VRK2: variants seen among roughly 807,000 people sequenced by gnomAD.
VRK2 encodes VRK serine/threonine kinase 2.
VRK2 carries 60 observed loss-of-function variants against 57.6 expected under a neutral mutation model. That is an observed-to-expected ratio of 1.04 (90% CI 0.85 to 1.29). The LOEUF (loss-of-function observed/expected upper bound fraction) is 1.29. Ranked by LOEUF, VRK2 falls within the 50% of genes most tolerant of loss-of-function variation. VRK2 has a pLI of 0.00. For missense variants in VRK2, 705 were observed against 588.1 expected, an observed-to-expected ratio of 1.20 and a Z score of -2.06; for synonymous variants, 231 against 199.2, an observed-to-expected ratio of 1.16 and a Z score of -1.35.
chr2:58,139,730 A>C lies in VRK2; in HGVS notation c.921A>C (p.Gln307His), dbSNP rs147504112. Residue 307 changes from glutamine to histidine, a missense_variant, in exon 11 of 13, where the codon CAA (glutamine) becomes CAC (histidine). By Grantham distance (24) the Gln-to-His change is conservative. Transcript: ENST00000340157. Reference protein sequence around the residue: ...SLAYDEKPNYQALKKILNPHG... With the variant: ...SLAYDEKPNYHALKKILNPHG... ...CATATGATGAAAAGCCAAACTATCA[A>C]GCCCTCAAGAAAATTTTGAACCCTC... The C allele has an allele frequency of 3.3e-5, 53 of 1,613,178 alleles. No homozygotes were observed. The highest frequency in any genetic ancestry group is 4.3e-5 in the Non-Finnish European group (51 of 1,179,472).
At chr2:58,075,864 A>ATAGAGTACTTATAGGCTTATAGAG (rs760316289) in intron 2 of VRK2, among the ~76,000 whole-genome samples, 11,937 of 152,052 alleles carry the variant, frequency 0.079, 494 homozygotes, top group South Asian at 0.12. Context: ...GCTTATAGTA[A>ATAGAGTACTTATAGGCTTATAGAG]AACTCTGCCC....
At chr2:58,052,556 T>C (rs1675905813) in intron 2 of VRK2, among the ~76,000 whole-genome samples, 3 of 150,604 alleles carry the variant, frequency 2.0e-5, no homozygotes, top group African/African-American at 4.9e-5. Context: ...TGAGCCAAGA[T>C]TGCACCACTG....
At chr2:58,116,859 A>T (rs1371635195) in intron 7 of VRK2, among the ~76,000 whole-genome samples, 2 of 152,116 alleles carry the variant, frequency 1.3e-5, no homozygotes, top group Non-Finnish European at 2.9e-5. Flanking sequence ...TGGTGGCCAG[A>T]TTTCTGGCAC....
intron 2 of VRK2, among the ~76,000 whole-genome samples, chr2:58,069,039 T>G (rs1669022698): frequency 6.6e-6 from 1 of 152,214 alleles, no homozygotes; most frequent in Non-Finnish European, 1.5e-5. Flanking sequence ...TCATTGTCTT[T>G]TCATATATGA....
At chr2:57,933,338 G>T (rs1209419676) in intron 1 of VRK2, among the ~76,000 whole-genome samples, 1 of 88,562 alleles carries the variant, frequency 1.1e-5, no homozygotes. Flanking sequence ...TTTTGAGGCA[G>T]TATCTCACTC....
chr2:58,158,583 AAGTT>A lies in VRK2; in HGVS notation c.1183-760_1183-757del, dbSNP rs925726219. On this transcript the variant is annotated intron_variant, in intron 12 of 12. Coordinates refer to ENST00000340157, the MANE Select transcript of VRK2 (RefSeq NM_006296.7). ...TTGTTTTATAAATTTCTTCTCTTCT[AAGTT>A]AGTTACTTGATAAATGGTGCTGAGG... Among the ~76,000 whole-genome samples, 8 of 152,088 alleles carry A rather than the reference AAGTT, an allele frequency of 5.3e-5. No individual in the cohort carries two copies. The East Asian group carries it at 1.5e-3, about 29-fold the overall frequency.
At chr2:57,923,197 C>T (rs547722264) in intron 1 of VRK2, among the ~76,000 whole-genome samples, 2 of 152,154 alleles carry the variant, frequency 1.3e-5, no homozygotes, top group South Asian at 4.1e-4. Context: ...GTGCAGATAT[C>T]TCTCCTATAA....
chr2:57,994,614 C>T (rs774942781), intron 1 of VRK2, among the ~76,000 whole-genome samples: 5 of 152,080 alleles, frequency 3.3e-5, no homozygotes, highest in Non-Finnish European at 7.4e-5. Flanking sequence ...GGCAAGAAGT[C>T]AATACCAGCC....
intron 1 of VRK2, among the ~76,000 whole-genome samples, chr2:57,963,045 C>T (rs1222191679): frequency 6.6e-6 from 1 of 152,174 alleles, no homozygotes; most frequent in East Asian, 1.9e-4. Flanking sequence ...ACCTTACTTC[C>T]TCTTCTGCAA....
At chr2:57,970,849 G>C (rs1258518639) in intron 1 of VRK2, among the ~76,000 whole-genome samples, 5 of 151,830 alleles carry the variant, frequency 3.3e-5, no homozygotes, top group Admixed American at 6.6e-5. Flanking sequence ...ATTAAAACCA[G>C]TCTCAGACAT....
intron 1 of VRK2, among the ~76,000 whole-genome samples, chr2:58,006,299 A>G (rs1673241659): frequency 1.3e-5 from 2 of 152,158 alleles, no homozygotes; most frequent in South Asian, 4.1e-4. Context: ...GGATTTTAAA[A>G]GTTTGTTTGG....
intron 12 of VRK2, among the ~76,000 whole-genome samples, chr2:58,146,810 A>G (rs567675782): frequency 6.6e-6 from 1 of 152,082 alleles, no homozygotes; most frequent in African/African-American, 2.4e-5. Context: ...TCTCACCCTT[A>G]TAATCAAATA....
At chr2:57,948,114 T>C (rs577845448) in intron 1 of VRK2, among the ~76,000 whole-genome samples, 13 of 152,312 alleles carry the variant, frequency 8.5e-5, no homozygotes, top group Admixed American at 2.0e-4. Flanking sequence ...AAGGATGTTT[T>C]ATATTCAAAG....
At chr2:57,927,881 G>A (rs1407090961) in intron 1 of VRK2, among the ~76,000 whole-genome samples, 2 of 152,146 alleles carry the variant, frequency 1.3e-5, no homozygotes, top group Non-Finnish European at 2.9e-5. Flanking sequence ...TTCCTGGCCT[G>A]TAAGTTTTCC....
At chr2:58,086,269 G>A in intron 4 of VRK2, 70 bp from the exon 5 acceptor site, 1 of 1,341,846 alleles carries the variant, frequency 7.5e-7, no homozygotes, top group Non-Finnish European at 1.0e-6. Flanking sequence ...AAATAAATTT[G>A]TCTGTAGAAA....
rs1351951205 is a variant in VRK2, at chr2:58,048,971, A to G, written c.136+4A>G. On this transcript the variant is annotated splice_donor_region_variant and intron_variant, in intron 2 of 12. Coordinates refer to ENST00000340157, the MANE Select transcript of VRK2 (RefSeq NM_006296.7). ...GGATTTGGATTGATATATTTAGGTA[A>G]AGTAAAACCTTAAATTAACAATTAT... The G allele has an allele frequency of 1.2e-6, 2 of 1,608,896 alleles. No individual in the cohort carries two copies. The highest frequency in any genetic ancestry group is 2.2e-5 in the East Asian group (1 of 44,818).
At position 58,047,374 on chromosome 2, in the gene VRK2, A is replaced by G; in HGVS notation, c.-6+506A>G. 3 of 970,682 alleles carry G rather than the reference A, an allele frequency of 3.1e-6. No individual in the cohort carries two copies. The South Asian group carries it at 1.4e-4, about 46-fold the overall frequency. The allele number at this position is 970,682 out of a possible 1,614,324, so 60.1% of individuals were successfully genotyped here. A position where few individuals can be genotyped will look rare whatever the true frequency, so the allele number is the denominator to read the frequency against. On this transcript the variant is annotated intron_variant, in intron 1 of 12. Coordinates refer to ENST00000340157, the MANE Select transcript of VRK2 (RefSeq NM_006296.7). ...GTTGAGGACTCATCTTAGCCCTGGG[A>G]AGGTACCCAGAAGCCGAAGGGACAC...
chr2:58,128,363 G>A (rs867223626), intron 8 of VRK2, among the ~76,000 whole-genome samples: 1 of 151,910 alleles, frequency 6.6e-6, no homozygotes, highest in African/African-American at 2.4e-5. Context: ...ATGGAGTCTC[G>A]CTCTGTTGTC....
intron 1 of VRK2, among the ~76,000 whole-genome samples, chr2:58,025,112 T>A (rs957094940): frequency 8.5e-5 from 13 of 152,138 alleles, no homozygotes; most frequent in Admixed American, 7.9e-4. Context: ...TTTAGTAGAG[T>A]GGCTAATAGC....
Sources: gnomAD v4.1 joint callset for allele counts (sites outside exome capture counted in the v4.1 genomes callset) on GRCh38, gnomAD v4.1.1 for gene constraint, MANE v1.5 for transcripts, NCBI Gene and HGNC (gene_info 2026-07-23, HGNC 2026-07-21) for gene names.